ANKHD1: variants seen among roughly 807,000 people sequenced by gnomAD.
ANKHD1 encodes the protein ankyrin repeat and KH domain-containing protein 1.
In ANKHD1, 31 loss-of-function variants were observed where a neutral mutation model predicts 230.5. The ratio of observed to expected loss-of-function variants is 0.13; its 90% CI spans 0.10 to 0.18. The LOEUF (loss-of-function observed/expected upper bound fraction) is 0.18. ANKHD1 is among the 10% of genes least tolerant of loss of function. The pLI is 1.00. For synonymous variants in ANKHD1, 1,074 were observed against 1,117.6 expected (o/e 0.96, Z 0.78); for missense variants, 2,256 against 3,071.3 (o/e 0.73, Z 6.27).
At chr5:140,520,881 G>T (rs1460943883) in intron 24 of ANKHD1, among the ~76,000 whole-genome samples, 2 of 148,874 alleles carry the variant, frequency 1.3e-5, no homozygotes, top group Non-Finnish European at 3.0e-5. Context: ...GTATACATAT[G>T]TAACTAACTG....
chr5:140,474,964 G>A (rs962295139), intron 10 of ANKHD1, among the ~76,000 whole-genome samples: 3 of 152,010 alleles, frequency 2.0e-5, no homozygotes, highest in Non-Finnish European at 2.9e-5. Context: ...TTAAGGAATA[G>A]CGTATATACA....
At chr5:140,435,789 C>T (rs529461256) in intron 1 of ANKHD1, among the ~76,000 whole-genome samples, 1 of 152,166 alleles carries the variant, frequency 6.6e-6, no homozygotes, top group South Asian at 2.1e-4. Flanking sequence ...CCTGTCTGGC[C>T]CTCCCAAACT....
chr5:140,532,573 A>C (rs1753881444), intron 29 of ANKHD1, among the ~76,000 whole-genome samples: 1 of 152,098 alleles, frequency 6.6e-6, no homozygotes, highest in South Asian at 2.1e-4. Flanking sequence ...AAGAGATAGG[A>C]TTGCGGGTGT....
chr5:140,448,666 T>G (rs1243214343), intron 6 of ANKHD1, among the ~76,000 whole-genome samples: 1 of 152,236 alleles, frequency 6.6e-6, no homozygotes, highest in Non-Finnish European at 1.5e-5. Flanking sequence ...AGTTTAATAT[T>G]CACTTGCATT....
chr5:140,472,350 G>C (rs1776552832), intron 10 of ANKHD1: 5 of 1,601,456 alleles, frequency 3.1e-6, no homozygotes, highest in Non-Finnish European at 4.3e-6. Context: ...GATGTTGTAG[G>C]TAACCAGAAC....
At chr5:140,420,183 T>C (rs768084431) in intron 1 of ANKHD1, among the ~76,000 whole-genome samples, 32 of 150,850 alleles carry the variant, frequency 2.1e-4, no homozygotes, top group Non-Finnish European at 4.4e-4. Context: ...ACAGACAAGG[T>C]CTCACCATTT....
At chr5:140,537,175 TA>T (rs1754123496) in intron 30 of ANKHD1, 2 of 794,068 alleles carry the variant, frequency 2.5e-6, no homozygotes, top group South Asian at 5.3e-5. Context: ...AGAAATCGTG[TA>T]GGATAATGTC....
intron 14 of ANKHD1, among the ~76,000 whole-genome samples, chr5:140,489,284 G>A (rs1751659781): frequency 1.3e-5 from 2 of 151,878 alleles, no homozygotes; most frequent in African/African-American, 2.4e-5. Flanking sequence ...GAGGCAGAAT[G>A]ATCGATCAGC....
intron 7 of ANKHD1, among the ~76,000 whole-genome samples, chr5:140,455,311 T>C (rs551100646): frequency 3.9e-5 from 6 of 152,208 alleles, no homozygotes; most frequent in African/African-American, 1.4e-4. Context: ...ACCATCCCTT[T>C]TGAAACTATT....
At chr5:140,537,286 T>G (rs1025916711) in intron 30 of ANKHD1, 103 bp from the exon 31 acceptor site, 84 of 1,477,726 alleles carry the variant, frequency 5.7e-5, no homozygotes, top group Non-Finnish European at 7.3e-5. Flanking sequence ...TTTCTCATAT[T>G]CTTATAGTTT....
At chr5:140,475,041 A>G (rs1750887118) in intron 10 of ANKHD1, among the ~76,000 whole-genome samples, 1 of 152,210 alleles carries the variant, frequency 6.6e-6, no homozygotes, top group Non-Finnish European at 1.5e-5. Flanking sequence ...AAAACTACCT[A>G]TGGAATACAC....
Position 140,438,617 on chromosome 5 carries a change from C to A in ANKHD1, c.617C>A (p.Thr206Asn). Residue 206 changes from threonine to asparagine, a missense_variant and splice_region_variant, in exon 3 of 34, where the codon ACT becomes AAT. This residue lies in a region of ANKHD1 where 206 missense variants were observed against 304.5 expected (regional missense o/e 0.68). Transcript: ENST00000360839. ...ENSHNAGQVDTRSLAEACSDG... is the reference protein window; with the variant it reads ...ENSHNAGQVDNRSLAEACSDG... ...AGCCACAATGCAGGACAAGTGGACA[C>A]GTATGTGTTTAATGACTTTTGGATA... 2 of 1,570,220 alleles carry A rather than the reference C, an allele frequency of 1.3e-6. No individual in the cohort carries two copies. The highest frequency in any genetic ancestry group is 8.6e-7 in the Non-Finnish European group (1 of 1,157,224).
At chr5:140,505,606 A>C in intron 17 of ANKHD1, 118 bp from the exon 18 acceptor site, 1 of 1,401,848 alleles carries the variant, frequency 7.1e-7, no homozygotes, top group Non-Finnish European at 9.4e-7. Context: ...ATGTTAACTC[A>C]TTATCAGTGT....
intron 15 of ANKHD1, chr5:140,498,302 T>C (rs1397281152): frequency 6.6e-6 from 1 of 152,226 alleles, no homozygotes; most frequent in Non-Finnish European, 1.5e-5. Flanking sequence ...CTATCTCAGT[T>C]TCCTTTCTTC....
At chr5:140,501,028 TAAG>T (rs151176305) in intron 15 of ANKHD1, among the ~76,000 whole-genome samples, 4,095 of 151,990 alleles carry the variant, frequency 0.027, 197 homozygotes, top group African/African-American at 0.094. Context: ...GAAATCCTCT[TAAG>T]GAGATTTGCA....
chr5:140,531,396 C>A (rs1446222475), intron 29 of ANKHD1: 1 of 314,414 alleles, frequency 3.2e-6, no homozygotes. Flanking sequence ...GCCTGGCCAA[C>A]ATGGTGAAAC....
intron 15 of ANKHD1, among the ~76,000 whole-genome samples, chr5:140,504,447 A>AT (rs1164360634): frequency 6.6e-6 from 1 of 151,994 alleles, no homozygotes. Flanking sequence ...ATTTTTGGAA[A>AT]TTTTTTTTCC....
intron 1 of ANKHD1, among the ~76,000 whole-genome samples, chr5:140,427,267 C>T (rs1388817066): frequency 1.2e-4 from 18 of 145,692 alleles, no homozygotes; most frequent in African/African-American, 4.3e-4. Flanking sequence ...GCTGGCCGGG[C>T]GGGGGGCTGA....
At chr5:140,405,241 T>A (rs964887443) in intron 1 of ANKHD1, among the ~76,000 whole-genome samples, 1 of 152,180 alleles carries the variant, frequency 6.6e-6, no homozygotes, top group Admixed American at 6.5e-5. Flanking sequence ...ATTTTTGGAA[T>A]GGAAGTTTCT....
Sources: gnomAD v4.1 joint callset for allele counts (sites outside exome capture counted in the v4.1 genomes callset) on GRCh38, gnomAD v4.1.1 for gene constraint, gnomAD v4.1.1 regional missense constraint, MANE v1.5 for transcripts, NCBI Gene and HGNC (gene_info 2026-07-23, HGNC 2026-07-21) for gene names.